The following ME1 variants were observed in gnomAD, a reference collection of about 807,000 sequenced individuals.
ME1 encodes the protein NADP-dependent malic enzyme.
A neutral mutation model predicts 66.4 loss-of-function variants in ME1; 74 were observed. The observed-to-expected ratio is 1.11, with a 90% CI of 0.92 to 1.35. ME1 has a LOEUF of 1.35. ME1 is among the 40% of genes most tolerant of loss of function. ME1 has a pLI of 0.00. For missense variants in ME1, 750 were observed against 694.1 expected (o/e 1.08, Z -0.90); for synonymous variants, 251 against 235.6 (o/e 1.07, Z -0.60).
intron 3 of ME1, among the ~76,000 whole-genome samples, chr6:83,372,291 C>T (rs1376813310): frequency 6.6e-6 from 1 of 152,212 alleles, no homozygotes; most frequent in Admixed American, 6.5e-5. Context: ...GAACTATCAG[C>T]TTCCACTTCC....
intron 5 of ME1, among the ~76,000 whole-genome samples, chr6:83,318,248 A>G (rs1768074647): frequency 7.0e-6 from 1 of 142,646 alleles, no homozygotes; most frequent in African/African-American, 2.6e-5. Flanking sequence ...ATGGGCAAGG[A>G]CTTCATGTCT....
At chr6:83,373,290 C>T (rs1769227488) in intron 3 of ME1, among the ~76,000 whole-genome samples, 2 of 151,888 alleles carry the variant, frequency 1.3e-5, no homozygotes, top group East Asian at 3.9e-4. Flanking sequence ...GGCTGGAGTG[C>T]AGTGGTGCGA....
At chr6:83,279,532 C>T (rs1191249390) in intron 6 of ME1, among the ~76,000 whole-genome samples, 1 of 152,036 alleles carries the variant, frequency 6.6e-6, no homozygotes, top group African/African-American at 2.4e-5. Context: ...GTAGACCAGA[C>T]ACCACAAGGA....
At chr6:83,275,455 A>C (rs1767159659) in intron 6 of ME1, among the ~76,000 whole-genome samples, 1 of 149,486 alleles carries the variant, frequency 6.7e-6, no homozygotes, top group African/African-American at 2.5e-5. Context: ...TAGGTAAAAT[A>C]GTTTTGATCT....
Position 83,211,848 on chromosome 6 carries a change from T to A in ME1, c.*76A>T. On this transcript the variant is annotated 3_prime_UTR_variant, in exon 14 of 14. Coordinates refer to ENST00000369705, the MANE Select transcript of ME1 (RefSeq NM_002395.6). ...AATCTAAGTGTCTTATGAATCATTA[T>A]AAAAGATTCCAACCTTTAAAAATTA... 1.0e-6 allele frequency: 1 copy of A among 978,234 alleles called. No homozygotes were observed. Among genetic ancestry groups the A allele is most frequent in the Non-Finnish European group, 1.4e-6 (1 of 712,346 alleles). 60.6% of individuals were successfully genotyped at this position (978,234 alleles called of 1,614,324 possible).
intron 5 of ME1, among the ~76,000 whole-genome samples, chr6:83,334,647 G>T (rs1768491819): frequency 2.8e-5 from 1 of 36,314 alleles, no homozygotes; most frequent in Non-Finnish European, 4.9e-5. Flanking sequence ...TCCTCAAGTG[G>T]GTCCCTGACC....
intron 3 of ME1, 123 bp downstream of exon 3, chr6:83,398,244 C>A: frequency 1.5e-6 from 1 of 664,060 alleles, no homozygotes; most frequent in Non-Finnish European, 2.4e-6. Flanking sequence ...ATCCTCTGTA[C>A]ATCATAAATA....
intron 3 of ME1, among the ~76,000 whole-genome samples, chr6:83,385,704 C>T (rs1417312757): frequency 6.6e-6 from 1 of 151,788 alleles, no homozygotes; most frequent in African/African-American, 2.4e-5. Flanking sequence ...CCAAATTTTT[C>T]CTCATTAAGG....
At chr6:83,245,974 CTA>C (rs1790613441) in intron 7 of ME1, among the ~76,000 whole-genome samples, 1 of 152,090 alleles carries the variant, frequency 6.6e-6, no homozygotes, top group Non-Finnish European at 1.5e-5. Context: ...TCAGAAAAAT[CTA>C]TGAGTAAGAG....
chr6:83,327,762 T>C (rs545891131), intron 5 of ME1, among the ~76,000 whole-genome samples: 5 of 152,190 alleles, frequency 3.3e-5, no homozygotes, highest in African/African-American at 4.8e-5. Context: ...CCCACACCTA[T>C]TTGCATACTC....
chr6:83,224,628 G>A (rs1473428306), intron 11 of ME1, among the ~76,000 whole-genome samples: 1 of 146,742 alleles, frequency 6.8e-6, no homozygotes, highest in Non-Finnish European at 1.5e-5. Context: ...AGGTTGCAGT[G>A]AGCCTAGATC....
At chr6:83,268,728 G>GTTATTATTATTA (rs57723634) in intron 6 of ME1, among the ~76,000 whole-genome samples, 9,547 of 143,710 alleles carry the variant, frequency 0.066, 789 homozygotes, top group African/African-American at 0.19. Flanking sequence ...ACCATGCCCC[G>GTTATTATTATTA]TTATTATTAT....
chr6:83,310,269 T>C (rs1216985079), intron 6 of ME1, among the ~76,000 whole-genome samples: 3 of 152,250 alleles, frequency 2.0e-5, no homozygotes, highest in African/African-American at 7.2e-5. Flanking sequence ...ATATAAAGCC[T>C]TGACCATCTC....
chr6:83,323,193 C>G (rs1768214182), intron 5 of ME1, among the ~76,000 whole-genome samples: 1 of 152,044 alleles, frequency 6.6e-6, no homozygotes, highest in Non-Finnish European at 1.5e-5. Context: ...ACAGGCACTA[C>G]AAAAACAAAC....
At chr6:83,253,978 C>A (rs1583342212) in intron 6 of ME1, among the ~76,000 whole-genome samples, 1 of 151,936 alleles carries the variant, frequency 6.6e-6, no homozygotes, top group East Asian at 1.9e-4. Flanking sequence ...GTTCCCTTTC[C>A]TTAAGGAATT....
intron 6 of ME1, among the ~76,000 whole-genome samples, chr6:83,264,298 T>C (rs1359902354): frequency 6.6e-6 from 1 of 152,190 alleles, no homozygotes; most frequent in Admixed American, 6.5e-5. Flanking sequence ...TTGCTGCTTA[T>C]TGGCAATGCA....
In ME1 at chr6:83,292,868, G is replaced by A. The variant is rs374860928; in HGVS notation, c.704+22442C>T. Among the ~76,000 whole-genome samples the A allele has an allele frequency of 1.4e-4, 22 of 152,218 alleles. No individual in the cohort carries two copies. In the East Asian group the frequency reaches 1.7e-3, roughly 12 times the overall value. On this transcript the variant is annotated intron_variant, in intron 6 of 13. Transcript: ENST00000369705. Reference sequence around the variant, plus strand: ...AGCAATGGTGGACGCCCCTCCCGCCGCCAAGCTCCCGCATCCCAGGTCGAT... The same window carrying A: ...AGCAATGGTGGACGCCCCTCCCGCCACCAAGCTCCCGCATCCCAGGTCGAT...
At chr6:83,406,408 C>T (rs1769944766) in intron 2 of ME1, among the ~76,000 whole-genome samples, 1 of 152,054 alleles carries the variant, frequency 6.6e-6, no homozygotes, top group Admixed American at 6.6e-5. Flanking sequence ...GGAATGGTAC[C>T]AGCTCCTCTT....
chr6:83,258,700 G>A (rs56323856), intron 6 of ME1, among the ~76,000 whole-genome samples: 17,687 of 152,034 alleles, frequency 0.12, 1,180 homozygotes, highest in African/African-American at 0.18. Flanking sequence ...TCTCAATTCT[G>A]TCAGCAACCC....
Sources: allele counts gnomAD v4.1 joint callset (sites outside exome capture counted in the v4.1 genomes callset), GRCh38; gene constraint gnomAD v4.1.1; transcripts MANE v1.5; gene names NCBI Gene and HGNC (gene_info 2026-07-23, HGNC 2026-07-21).